Variants in EXOC1 observed in about 807,000 individuals in gnomAD.
EXOC1 encodes the protein SEC3-like 1.
In EXOC1, 67 loss-of-function variants were observed where a neutral mutation model predicts 107.7. The observed-to-expected ratio is 0.62, with a 90% CI of 0.51 to 0.76. The LOEUF is 0.76. Ranked by LOEUF, EXOC1 falls within the 30% of genes least tolerant of loss-of-function variation. EXOC1 has a pLI of 0.00. For missense variants in EXOC1, 833 were observed against 1,055.7 expected, an observed-to-expected ratio of 0.79 and a Z score of 2.92; for synonymous variants, 348 against 353.5, an observed-to-expected ratio of 0.98 and a Z score of 0.17.
chr4:55,865,446 A>G (rs754446503), intron 4 of EXOC1, among the ~76,000 whole-genome samples: 4 of 152,198 alleles, frequency 2.6e-5, no homozygotes, highest in Non-Finnish European at 5.9e-5. Flanking sequence ...AGGAATCCCC[A>G]GGGTTGCCAT....
At chr4:55,855,758 A>G (rs186408322) in intron 1 of EXOC1, among the ~76,000 whole-genome samples, 1 of 152,310 alleles carries the variant, frequency 6.6e-6, no homozygotes, top group Non-Finnish European at 1.5e-5. Flanking sequence ...AGGTTGCATG[A>G]ACAAAAGCCC....
At chr4:55,871,531 A>C (rs1446584798) in intron 7 of EXOC1, among the ~76,000 whole-genome samples, 2 of 152,092 alleles carry the variant, frequency 1.3e-5, no homozygotes, top group Non-Finnish European at 2.9e-5. Context: ...ATTATTTCAA[A>C]ACTTGAGTGT....
At chr4:55,892,217 T>C (rs1724641247) in intron 13 of EXOC1, among the ~76,000 whole-genome samples, 10 of 152,236 alleles carry the variant, frequency 6.6e-5, no homozygotes, top group Admixed American at 6.5e-4. Context: ...TTATAGCATT[T>C]TTTTAATGCT....
intron 5 of EXOC1, among the ~76,000 whole-genome samples, chr4:55,869,682 G>T (rs1037203882): frequency 2.3e-4 from 35 of 152,142 alleles, no homozygotes; most frequent in African/African-American, 8.4e-4. Context: ...TCAAACCCCA[G>T]CTCTGTTACT....
chr4:55,898,188 T>C (rs1577783252), intron 16 of EXOC1, among the ~76,000 whole-genome samples: 1 of 152,042 alleles, frequency 6.6e-6, no homozygotes, highest in South Asian at 2.1e-4. Context: ...GCTCAGGAGG[T>C]CAAGGCTGCA....
intron 9 of EXOC1, among the ~76,000 whole-genome samples, chr4:55,878,862 C>T (rs1440041029): frequency 6.6e-6 from 1 of 152,004 alleles, no homozygotes; most frequent in Non-Finnish European, 1.5e-5. Flanking sequence ...ATGGGACCTA[C>T]CAGCATTCCT....
rs73238394 is a variant in EXOC1, at chr4:55,897,620, A to T, written c.2137+720A>T. ...TATTCAGGAATTGTAAAAGCTAAAA[A>T]ATTGATAGAAAATGGAATCATCTCA... is the stretch of plus-strand genomic sequence containing the variant. On this transcript the variant is annotated intron_variant, in intron 16 of 18. Transcript: ENST00000381295. Among the ~76,000 whole-genome samples, 858 of 151,904 alleles carry T rather than the reference A, an allele frequency of 5.6e-3. 6 individuals carry two copies. The highest frequency in any genetic ancestry group is 0.01 in the South Asian group (50 of 4,804).
intron 16 of EXOC1, among the ~76,000 whole-genome samples, 184 bp downstream of exon 16, chr4:55,897,084 C>T (rs1725296977): frequency 6.6e-6 from 1 of 150,996 alleles, no homozygotes; most frequent in South Asian, 2.1e-4. Context: ...GAACCACTTA[C>T]ATTTTAGGGT....
intron 8 of EXOC1, chr4:55,877,165 A>G: frequency 8.2e-6 from 8 of 979,758 alleles, no homozygotes; most frequent in Non-Finnish European, 9.7e-6. Context: ...ATGTGTACCA[A>G]CTAGTATGAT....
intron 8 of EXOC1, chr4:55,876,407 A>G: frequency 5.6e-6 from 4 of 711,328 alleles, no homozygotes; most frequent in Non-Finnish European, 6.9e-6. Flanking sequence ...ACTGTATATT[A>G]TATAATCACT....
At position 55,896,763 on chromosome 4, in the gene EXOC1, G is replaced by A. The variant is rs147422186; in HGVS notation, c.2000G>A (p.Ser667Asn). ...GAAGAAGTAAAGATCTCAAAAAAGAGTAAAGTTGGAATTCTTCCATTTGTT... is the reference window on the plus strand; with the variant it reads ...GAAGAAGTAAAGATCTCAAAAAAGAATAAAGTTGGAATTCTTCCATTTGTT... ...QMEEVKISKK[S>N]KVGILPFVAE... The change falls in exon 16 of 19, where the codon AGT becomes AAT. Residue 667 changes from serine (S) to asparagine (N), a missense_variant. Physicochemically the swap from Ser to Asn is conservative, Grantham distance 46 (BLOSUM62 1). Coordinates refer to ENST00000381295, the MANE Select transcript of EXOC1 (RefSeq NM_001024924.2). 1.6e-5 allele frequency: 25 copies of A among 1,610,404 alleles called. No homozygotes were observed. Among genetic ancestry groups the A allele is most frequent in the Non-Finnish European group, 2.0e-5 (24 of 1,179,058 alleles).
intron 7 of EXOC1, 122 bp from the exon 8 acceptor site, chr4:55,871,726 TA>T: frequency 1.4e-6 from 1 of 732,158 alleles, no homozygotes; most frequent in Non-Finnish European, 2.2e-6. Context: ...TTTTATCATG[TA>T]AATGAATACA....
Position 55,864,295 on chromosome 4 carries a change from G to A in EXOC1, c.324G>A (p.Lys108=), listed in dbSNP as rs748085616. Residue 108 remains lysine, a synonymous_variant, in exon 4 of 19, where the codon AAG becomes AAA. Coordinates refer to ENST00000381295, the MANE Select transcript of EXOC1 (RefSeq NM_001024924.2). The part of the protein sequence containing the change: ...YKWVASSTAE[K]NAFISCIWKL... ...GGGTTGCCAGCAGCACTGCTGAAAA[G>A]AATGCATTTATTTCATGCATTTGGA... The A allele has an allele frequency of 2.5e-6, 4 of 1,608,706 alleles. No individual in the cohort carries two copies. In the East Asian group the frequency reaches 6.7e-5, roughly 27 times the overall value.
At position 55,904,803 on chromosome 4, in the gene EXOC1, T is replaced by G. The variant is rs983135586; in HGVS notation, c.*308T>G. On this transcript the variant is annotated 3_prime_UTR_variant, in exon 19 of 19. Transcript: ENST00000381295. ...GCCTAGCTGCTTGTGTTTGAGTGGT[T>G]GTCCTATGAGCAATGCATTTGGAGT... The G allele has an allele frequency of 4.7e-6, 1 of 211,998 alleles. No homozygotes were observed. Among genetic ancestry groups the G allele is most frequent in the Non-Finnish European group, 9.3e-6 (1 of 107,728 alleles). The allele number at this position is 211,998 out of a possible 1,614,324, so 13.1% of individuals were successfully genotyped here.
In EXOC1 at chr4:55,860,442, G is replaced by C. The variant is rs1490302612; in HGVS notation, c.156G>C (p.Val52=). Residue 52 remains valine, a synonymous_variant, in exon 3 of 19, where the codon GTG becomes GTC. Coordinates refer to ENST00000381295, the MANE Select transcript of EXOC1 (RefSeq NM_001024924.2). ...CTGAACGCCCTGTGCAGGTTAAGGT[G>C]GTCAAAGTCAAGAAATCCGATAAGG... is the stretch of plus-strand genomic sequence containing the variant. ...VTTERPVQVK[V]VKVKKSDKGD... 1 of 1,613,920 alleles carries C rather than the reference G, an allele frequency of 6.2e-7. No homozygotes were observed. Among genetic ancestry groups the C allele is most frequent in the Non-Finnish European group, 8.5e-7 (1 of 1,179,894 alleles).
chr4:55,875,920 A>T, intron 8 of EXOC1: 6 of 923,822 alleles, frequency 6.5e-6, no homozygotes, highest in Non-Finnish European at 7.8e-6. Context: ...ATAAATTTTT[A>T]AAAAATAAAA....
At chr4:55,887,725 CAAAA>C (rs754950176) in intron 10 of EXOC1, among the ~76,000 whole-genome samples, 5 of 97,052 alleles carry the variant, frequency 5.2e-5, no homozygotes, top group Admixed American at 1.1e-4. Context: ...GATCCTGCCT[CAAAA>C]AAAAAAAAAA....
intron 15 of EXOC1, among the ~76,000 whole-genome samples, 158 bp from the exon 16 acceptor site, chr4:55,896,559 A>G (rs780558545): frequency 2.2e-4 from 33 of 152,310 alleles, no homozygotes; most frequent in Non-Finnish European, 3.8e-4. Flanking sequence ...TTCATCTTCA[A>G]TTAGTAAGCA....
intron 14 of EXOC1, 62 bp downstream of exon 14, chr4:55,892,773 T>C: frequency 6.6e-7 from 1 of 1,520,682 alleles, no homozygotes; most frequent in Non-Finnish European, 9.1e-7. Flanking sequence ...TGTGGAGTGC[T>C]GCTCATTGAG....
Sources: allele counts gnomAD v4.1 joint callset (sites outside exome capture counted in the v4.1 genomes callset), GRCh38; gene constraint gnomAD v4.1.1; transcripts MANE v1.5; gene names NCBI Gene and HGNC (gene_info 2026-07-23, HGNC 2026-07-21).